The following RARB variants were observed in gnomAD, a reference collection of about 807,000 sequenced individuals.
RARB encodes retinoic acid receptor beta, also known as HBV-activated protein.
In RARB, 17 loss-of-function variants were observed where a neutral mutation model predicts 51.9. That is an observed-to-expected ratio of 0.33 (90% CI 0.22 to 0.49). The LOEUF is 0.49. Among genes scored for constraint, RARB ranks in the 20% least tolerant of loss-of-function variants. RARB has a pLI of 0.99. For missense variants in RARB, 369 were observed against 550.8 expected, an observed-to-expected ratio of 0.67 and a Z score of 3.30; for synonymous variants, 215 against 195.4, an observed-to-expected ratio of 1.10 and a Z score of -0.84.
chr3:25,564,701 A>G lies in RARB; in HGVS notation c.449-5057A>G, dbSNP rs1700418970. On this transcript the variant is annotated intron_variant, in intron 3 of 7. Transcript: ENST00000330688. ...CCCTGGGGACATAGAGACAAGTAAC[A>G]TGTGGCCCTTGCCTTTCAGATATTC... Among the ~76,000 whole-genome samples the G allele has an allele frequency of 3.3e-5, 5 of 152,298 alleles. No individual in the cohort carries two copies. The South Asian group carries it at 1.0e-3, about 32-fold the overall frequency.
At chr3:24,954,851 A>G (rs141090229) in intron 2 of RARB, among the ~76,000 whole-genome samples, 2 of 152,170 alleles carry the variant, frequency 1.3e-5, no homozygotes, top group Non-Finnish European at 2.9e-5. Context: ...CAGGAGCTCA[A>G]ACTCCTTGCA....
chr3:25,027,216 A>C (rs952565196), intron 2 of RARB, among the ~76,000 whole-genome samples: 4 of 91,558 alleles, frequency 4.4e-5, no homozygotes, highest in African/African-American at 1.5e-4. Flanking sequence ...AAACAGGAAG[A>C]ATCCAAAATT....
intron 2 of RARB, among the ~76,000 whole-genome samples, chr3:25,001,678 A>G (rs1217948309): frequency 1.3e-5 from 2 of 152,208 alleles, no homozygotes; most frequent in Non-Finnish European, 2.9e-5. Flanking sequence ...AAAATAGTGT[A>G]TCTAACATGC....
intron 5 of RARB, among the ~76,000 whole-genome samples, chr3:25,220,760 T>G (rs1265273066): frequency 6.6e-6 from 1 of 152,204 alleles, no homozygotes; most frequent in Non-Finnish European, 1.5e-5. Flanking sequence ...CTTTCCTTTA[T>G]AAATTACCCA....
rs1708077293 is a variant in RARB at position 25,428,649 on chromosome 3, G to C, written c.-83G>C. On this transcript the variant is annotated 5_prime_UTR_variant, in exon 1 of 8. It removes an upstream start codon present in the reference 5' UTR. Coordinates refer to ENST00000330688, the MANE Select transcript of RARB (RefSeq NM_000965.5). ...TGCCAAAAAAGGGGCAGAGTTTGAT[G>C]GAGTTGGGTGGACTTTTCTATGCCA... is the stretch of plus-strand genomic sequence containing the variant. The C allele has an allele frequency of 2.0e-6, 3 of 1,481,670 alleles. No homozygotes were observed. In the Admixed American group the frequency reaches 6.0e-5, roughly 30 times the overall value. The allele number at this position is 1,481,670 out of a possible 1,614,324, so 91.8% of individuals were successfully genotyped here. A position where few individuals can be genotyped will look rare whatever the true frequency, so the allele number is the denominator to read the frequency against.
At chr3:25,521,953 G>C (rs1466846369) in intron 3 of RARB, among the ~76,000 whole-genome samples, 1 of 152,008 alleles carries the variant, frequency 6.6e-6, no homozygotes, top group African/African-American at 2.4e-5. Context: ...AGTGGTTTTT[G>C]AACATAATGT....
chr3:25,142,372 C>A (rs920457496), intron 4 of RARB, among the ~76,000 whole-genome samples: 1 of 152,092 alleles, frequency 6.6e-6, no homozygotes, highest in Admixed American at 6.6e-5. Context: ...TGAGATGCAA[C>A]TCAGAACCAT....
chr3:25,410,185 G>C (rs774081823), intron 5 of RARB, among the ~76,000 whole-genome samples: 1 of 152,186 alleles, frequency 6.6e-6, no homozygotes, highest in Middle Eastern at 3.2e-3. Context: ...TGTCACAATA[G>C]CTGGCCCTTT....
At chr3:25,020,732 G>T (rs1159887507) in intron 2 of RARB, among the ~76,000 whole-genome samples, 3 of 152,084 alleles carry the variant, frequency 2.0e-5, no homozygotes, top group East Asian at 1.9e-4. Context: ...AACACCTATA[G>T]AATGAATAAA....
chr3:24,937,464 C>T (rs1266696001), intron 2 of RARB, among the ~76,000 whole-genome samples: 3 of 152,116 alleles, frequency 2.0e-5, no homozygotes, highest in South Asian at 2.1e-4. Context: ...CTCCCAGCAA[C>T]GCTTCCCCAC....
At chr3:25,437,873 G>T (rs1708499711) in intron 1 of RARB, among the ~76,000 whole-genome samples, 1 of 152,112 alleles carries the variant, frequency 6.6e-6, no homozygotes, top group African/African-American at 2.4e-5. Context: ...TGTTCCTTGG[G>T]GATGGGTTTG....
At chr3:25,029,914 A>T (rs1387455204) in intron 2 of RARB, among the ~76,000 whole-genome samples, 1 of 152,220 alleles carries the variant, frequency 6.6e-6, no homozygotes, top group Admixed American at 6.5e-5. Context: ...GAGTGAAAAT[A>T]TCTGCCTGAT....
intron 4 of RARB, among the ~76,000 whole-genome samples, chr3:25,173,640 G>A (rs1044652733): frequency 2.0e-5 from 3 of 152,094 alleles, no homozygotes; most frequent in Non-Finnish European, 4.4e-5. Context: ...GCATTAAATA[G>A]TTTCCCTAAA....
At chr3:25,483,483 G>T (rs1437129161) in intron 2 of RARB, among the ~76,000 whole-genome samples, 7 of 148,156 alleles carry the variant, frequency 4.7e-5, no homozygotes, top group Non-Finnish European at 1.0e-4. Context: ...CTAGACCCTG[G>T]TTTTCTAGAT....
chr3:25,079,409 T>C (rs554035841), intron 3 of RARB, among the ~76,000 whole-genome samples: 2 of 152,310 alleles, frequency 1.3e-5, no homozygotes, highest in South Asian at 2.1e-4. Context: ...CGTTGTTGAA[T>C]AGAAGTGGTG....
At chr3:25,206,791 G>T (rs1701560439) in intron 5 of RARB, among the ~76,000 whole-genome samples, 1 of 152,168 alleles carries the variant, frequency 6.6e-6, no homozygotes, top group Admixed American at 6.5e-5. Context: ...GCTTCCAAGA[G>T]ATTTCTCCAA....
At chr3:25,447,321 A>G (rs1193385129) in intron 1 of RARB, among the ~76,000 whole-genome samples, 1 of 152,120 alleles carries the variant, frequency 6.6e-6, no homozygotes, top group African/African-American at 2.4e-5. Context: ...ATCTTTGTGT[A>G]TGCTAGTAAC....
rs9850528 is a variant in RARB, at chr3:24,839,770, A to T, written c.-459+10367A>T. Among the ~76,000 whole-genome samples, 226 of 151,394 alleles carry T rather than the reference A, an allele frequency of 1.5e-3. 1 individual carries two copies. The highest frequency in any genetic ancestry group is 5.3e-3 in the African/African-American group (220 of 41,268). ...GTTTGGGTAATTGAAGCACAAATCC[A>T]GATTGTCACAAAATTATACTCGTGT... On this transcript the variant is annotated intron_variant, in intron 1 of 11. Transcript: ENST00000383772.
At chr3:25,541,650 A>T (rs1037221944) in intron 3 of RARB, among the ~76,000 whole-genome samples, 1 of 152,182 alleles carries the variant, frequency 6.6e-6, no homozygotes, top group African/African-American at 2.4e-5. Context: ...TTCCCCTTAC[A>T]CAGCCGAAAG....
Sources: allele counts gnomAD v4.1 joint callset (sites outside exome capture counted in the v4.1 genomes callset), GRCh38; gene constraint gnomAD v4.1.1; transcripts MANE v1.5; gene names NCBI Gene and HGNC (gene_info 2026-07-23, HGNC 2026-07-21).